The following ERC2 variants were observed in gnomAD, a reference collection of about 807,000 sequenced individuals.
ERC2 encodes the protein ERC protein 2.
Under a neutral mutation model 114.8 loss-of-function variants are expected in ERC2, and 42 were observed. The observed-to-expected ratio is 0.37, with a 90% CI of 0.29 to 0.47. ERC2 has a LOEUF of 0.47. ERC2 is among the 20% of genes least tolerant of loss of function. ERC2 has a pLI of 0.99. For synonymous variants in ERC2, 454 were observed against 425.5 expected, an observed-to-expected ratio of 1.07 and a Z score of -0.82; for missense variants, 939 against 1,150.7, an observed-to-expected ratio of 0.82 and a Z score of 2.66.
intron 12 of ERC2, among the ~76,000 whole-genome samples, chr3:55,984,994 C>T (rs913411335): frequency 1.3e-5 from 2 of 152,164 alleles, no homozygotes; most frequent in Non-Finnish European, 2.9e-5. Flanking sequence ...GGGTTGCAGA[C>T]CCTGTGTACA....
chr3:56,266,629 C>T (rs1192786144), intron 3 of ERC2, among the ~76,000 whole-genome samples: 1 of 152,106 alleles, frequency 6.6e-6, no homozygotes, highest in Non-Finnish European at 1.5e-5. Context: ...GGTGAGGTGG[C>T]ACATGCCTTT....
chr3:56,026,208 C>A (rs1409837630), intron 7 of ERC2, among the ~76,000 whole-genome samples: 5 of 151,742 alleles, frequency 3.3e-5, no homozygotes, highest in African/African-American at 2.4e-5. Context: ...CACTACCACG[C>A]CCAGCTAATT....
rs28582860 is a variant in ERC2 at position 55,758,152 on chromosome 3, C to G, written c.2565-23234G>C. ...AATCTGCTATTCTCCCCAAAAATAA[C>G]ATGGATTGTTCTAAGTCCATGAAGA... is the stretch of plus-strand genomic sequence containing the variant. On this transcript the variant is annotated intron_variant, in intron 14 of 17. Coordinates refer to ENST00000288221, the MANE Select transcript of ERC2 (RefSeq NM_015576.3). Among the ~76,000 whole-genome samples, 968 of 152,236 alleles carry G rather than the reference C, an allele frequency of 6.4e-3. 10 individuals are homozygous for G. Among genetic ancestry groups the G allele is most frequent in the African/African-American group, 0.022 (910 of 41,558 alleles).
chr3:55,515,406 T>C (rs1345862157), intron 17 of ERC2, among the ~76,000 whole-genome samples: 1 of 152,116 alleles, frequency 6.6e-6, no homozygotes, highest in African/African-American at 2.4e-5. Flanking sequence ...CTCTCTCTGT[T>C]GTCCAGGCTG....
At chr3:55,705,608 G>A (rs908971965) in intron 15 of ERC2, among the ~76,000 whole-genome samples, 28 of 152,102 alleles carry the variant, frequency 1.8e-4, no homozygotes, top group African/African-American at 6.3e-4. Context: ...GCATCTGTGT[G>A]TTTACAGATA....
At chr3:55,763,740 C>A (rs550631746) in intron 14 of ERC2, among the ~76,000 whole-genome samples, 6 of 152,112 alleles carry the variant, frequency 3.9e-5, no homozygotes, top group Non-Finnish European at 8.8e-5. Context: ...AAGCCCATTA[C>A]GAAAATTTAA....
At chr3:56,032,937 AAGAAAGAAAGAAAGAAAGAAAC>A (rs2074494944) in intron 7 of ERC2, among the ~76,000 whole-genome samples, 1 of 98,878 alleles carries the variant, frequency 1.0e-5, no homozygotes, top group African/African-American at 3.3e-5. Flanking sequence ...GAAAGAAAGA[AAGAAAGAAAGAAAGAAAGAAAC>A]AGAAAGAAAG....
At chr3:55,646,004 G>C (rs2148665340) in intron 17 of ERC2, among the ~76,000 whole-genome samples, 1 of 152,274 alleles carries the variant, frequency 6.6e-6, no homozygotes, top group South Asian at 2.1e-4. Flanking sequence ...ATAAGCCCTT[G>C]AGAATTAGTC....
At chr3:55,725,808 A>C (rs1055385518) in intron 15 of ERC2, among the ~76,000 whole-genome samples, 4 of 152,240 alleles carry the variant, frequency 2.6e-5, no homozygotes, top group Non-Finnish European at 5.9e-5. Flanking sequence ...GAAATCAGAG[A>C]AAATACTTTG....
intron 15 of ERC2, among the ~76,000 whole-genome samples, chr3:55,718,371 C>G (rs1289933169): frequency 1.3e-5 from 2 of 152,166 alleles, no homozygotes; most frequent in Non-Finnish European, 2.9e-5. Context: ...GACCACCAAA[C>G]TAGGTGAGAT....
intron 4 of ERC2, among the ~76,000 whole-genome samples, chr3:56,167,559 C>T (rs534538791): frequency 1.1e-4 from 16 of 152,112 alleles, no homozygotes; most frequent in Non-Finnish European, 2.2e-4. Context: ...TTAAAAATCA[C>T]ATTTTGCCCA....
chr3:55,620,503 C>T (rs1045373336), intron 17 of ERC2, among the ~76,000 whole-genome samples: 1 of 152,176 alleles, frequency 6.6e-6, no homozygotes, highest in African/African-American at 2.4e-5. Flanking sequence ...CTGCACATTC[C>T]GGAGAAGGAT....
In ERC2 at chr3:55,907,130, G is replaced by T. The variant is rs145625470; in HGVS notation, c.2404-18581C>A. Among the ~76,000 whole-genome samples the T allele has an allele frequency of 1.5e-4, 23 of 152,286 alleles. No homozygotes were observed. In the East Asian group the frequency reaches 4.3e-3, roughly 28 times the overall value. ...CAAAAGAACCAGTAGCTGAAGTAGT[G>T]GTGATGTCACCTGTATTGCTGGGAG... On this transcript the variant is annotated intron_variant, in intron 13 of 17. Transcript: ENST00000288221.
chr3:56,387,674 C>T (rs2059983066), intron 2 of ERC2, among the ~76,000 whole-genome samples: 1 of 152,166 alleles, frequency 6.6e-6, no homozygotes, highest in South Asian at 2.1e-4. Flanking sequence ...GAGCTCTTCT[C>T]ACCACCTGAA....
intron 7 of ERC2, among the ~76,000 whole-genome samples, chr3:56,061,362 T>C (rs571560339): frequency 9.2e-5 from 14 of 152,330 alleles, no homozygotes; most frequent in African/African-American, 3.4e-4. Flanking sequence ...CGAATGTGAT[T>C]TTCTACCTCC....
chr3:55,697,722 C>T (rs562692006), intron 16 of ERC2, among the ~76,000 whole-genome samples: 128 of 152,100 alleles, frequency 8.4e-4, no homozygotes, highest in South Asian at 1.9e-3. Flanking sequence ...GCTCCAAATC[C>T]TTCTTTCTAC....
Position 56,081,142 on chromosome 3 carries a change from C to T in ERC2, c.1474-158G>A, listed in dbSNP as rs369953822. On this transcript the variant is annotated intron_variant, in intron 6 of 17. Transcript: ENST00000288221. The stretch of plus-strand genomic sequence containing the variant: ...ACCTCACTGCCCTGCATTTTAACAG[C>T]CTACATCCTTCTTAAAGCCCTATTG... 1.1e-4 allele frequency among the ~76,000 whole-genome samples: 16 copies of T among 152,096 alleles called. No homozygotes were observed. In the East Asian group the frequency reaches 1.9e-3, roughly 18 times the overall value.
intron 6 of ERC2, among the ~76,000 whole-genome samples, chr3:56,089,975 A>G (rs2077697657): frequency 6.6e-6 from 1 of 152,168 alleles, no homozygotes; most frequent in Non-Finnish European, 1.5e-5. Context: ...GGGCAGGAGT[A>G]CTGCCTTCTT....
At chr3:55,843,685 C>T (rs2061232282) in intron 14 of ERC2, among the ~76,000 whole-genome samples, 1 of 152,192 alleles carries the variant, frequency 6.6e-6, no homozygotes, top group South Asian at 2.1e-4. Context: ...CTTTCCAATG[C>T]TGAAAAGCAC....
Sources: allele counts gnomAD v4.1 joint callset (sites outside exome capture counted in the v4.1 genomes callset), GRCh38; gene constraint gnomAD v4.1.1; transcripts MANE v1.5; gene names NCBI Gene and HGNC (gene_info 2026-07-23, HGNC 2026-07-21).